Variants in FOXP1 observed in about 807,000 individuals in gnomAD.
FOXP1 encodes forkhead box protein P1.
In FOXP1, 15 loss-of-function variants were observed where a neutral mutation model predicts 98.2. The ratio of observed to expected loss-of-function variants is 0.15; its 90% CI spans 0.10 to 0.24. The LOEUF is 0.24. Ranked by LOEUF, FOXP1 falls within the 10% of genes least tolerant of loss-of-function variation. FOXP1 has a pLI of 1.00. For synonymous variants in FOXP1, 371 were observed against 314.5 expected, an observed-to-expected ratio of 1.18 and a Z score of -1.90; for missense variants, 633 against 848.5, an observed-to-expected ratio of 0.75 and a Z score of 3.15.
intron 5 of FOXP1, among the ~76,000 whole-genome samples, chr3:71,281,439 C>T (rs2071555132): frequency 6.6e-6 from 1 of 152,142 alleles, no homozygotes; most frequent in Admixed American, 6.5e-5. Context: ...GGTGAGAAAG[C>T]ACCCGCTTCA....
chr3:71,046,924 T>C lies in FOXP1; in HGVS notation c.664+18A>G. The C allele has an allele frequency of 6.2e-7, 1 of 1,613,886 alleles. No individual in the cohort carries two copies. On this transcript the variant is annotated intron_variant, in intron 10 of 20. Transcript: ENST00000649528. ...AAAGTCTTCACAGAGCTATGCCTTC[T>C]GTAAAATCAACGCATACCTTGAGCA...
chr3:71,396,933 T>C (rs11721119), intron 3 of FOXP1, among the ~76,000 whole-genome samples: 17,360 of 42,928 alleles, frequency 0.4, 5,256 homozygotes, highest in Non-Finnish European at 0.55. Context: ...TATATATATA[T>C]ACACATATAT....
intron 4 of FOXP1, among the ~76,000 whole-genome samples, chr3:71,308,191 TAAAC>T (rs1449102331): frequency 6.6e-6 from 1 of 151,988 alleles, no homozygotes; most frequent in Non-Finnish European, 1.5e-5. Flanking sequence ...CTCCAGAAAA[TAAAC>T]AGGGTGTACA....
chr3:71,573,019 A>G (rs1308030714), intron 2 of FOXP1, among the ~76,000 whole-genome samples: 1 of 152,240 alleles, frequency 6.6e-6, no homozygotes, highest in African/African-American at 2.4e-5. Context: ...ACAAATACTG[A>G]AAAACCCAGC....
At chr3:71,531,397 A>G (rs2043835926) in intron 2 of FOXP1, among the ~76,000 whole-genome samples, 1 of 152,230 alleles carries the variant, frequency 6.6e-6, no homozygotes, top group Admixed American at 6.5e-5. Context: ...AACTACTGCT[A>G]TTCTACGGGA....
intron 3 of FOXP1, among the ~76,000 whole-genome samples, chr3:71,427,366 G>A (rs1440098326): frequency 6.6e-6 from 1 of 152,200 alleles, no homozygotes; most frequent in Non-Finnish European, 1.5e-5. Context: ...GAGTGTCAGT[G>A]ATATTAGAGG....
At chr3:71,219,844 T>A (rs1331630361) in intron 5 of FOXP1, among the ~76,000 whole-genome samples, 1 of 145,720 alleles carries the variant, frequency 6.9e-6, no homozygotes, top group African/African-American at 2.6e-5. Context: ...CTGGCCTACC[T>A]GCCCCTGCAG....
chr3:71,056,684 C>G (rs972162112), intron 7 of FOXP1, among the ~76,000 whole-genome samples: 4 of 152,170 alleles, frequency 2.6e-5, no homozygotes, highest in Non-Finnish European at 5.9e-5. Context: ...AAGTGGGCTC[C>G]AGCTTCATTT....
chr3:71,219,775 T>G (rs965896494), intron 5 of FOXP1, among the ~76,000 whole-genome samples: 4 of 152,242 alleles, frequency 2.6e-5, no homozygotes, highest in African/African-American at 9.6e-5. Context: ...TAAAATTCCT[T>G]GTGTGGCTCT....
chr3:70,955,951 T>C lies in FOXP1; in HGVS notation c.*3296A>G, dbSNP rs886745197. On this transcript the variant is annotated 3_prime_UTR_variant, in exon 21 of 21. Transcript: ENST00000649528. ...AGCAGAAAAAAAAAGTTAGGGAGTT[T>C]CTCCCTCCCACATGTCAGGAAATGT... The C allele has an allele frequency of 8.6e-6, 2 of 233,016 alleles. No individual in the cohort carries two copies. Among genetic ancestry groups the C allele is most frequent in the Admixed American group, 1.1e-4 (2 of 17,766 alleles). The allele number at this position is 233,016 out of a possible 1,614,324, so 14.4% of individuals were successfully genotyped here. A position where few individuals can be genotyped will look rare whatever the true frequency, so the allele number is the denominator to read the frequency against.
intron 20 of FOXP1, among the ~76,000 whole-genome samples, chr3:70,965,612 T>C (rs2107003556): frequency 6.6e-6 from 1 of 152,272 alleles, no homozygotes; most frequent in East Asian, 1.9e-4. Context: ...GTAGTGTGGC[T>C]TAAATAATGG....
intron 3 of FOXP1, among the ~76,000 whole-genome samples, chr3:71,370,008 T>G (rs2079184642): frequency 6.6e-6 from 1 of 152,172 alleles, no homozygotes; most frequent in South Asian, 2.1e-4. Context: ...AGAAATGACC[T>G]GCAAGCCATT....
rs147604231 is a variant in FOXP1, at chr3:71,286,396, A to G, written c.-12+13424T>C. 1.6e-4 allele frequency among the ~76,000 whole-genome samples: 24 copies of G among 151,536 alleles called. No individual in the cohort carries two copies. In the East Asian group the frequency reaches 4.3e-3, roughly 27 times the overall value. On this transcript the variant is annotated intron_variant, in intron 5 of 20. Coordinates refer to ENST00000649528, the MANE Select transcript of FOXP1 (RefSeq NM_001349338.3). The stretch of plus-strand genomic sequence containing the variant: ...TCAGTAACTACTTATTGCTTAATCA[A>G]TTAGTAACTATATCACTGAGGTATA...
At chr3:71,091,705 C>A (rs1293607987) in intron 7 of FOXP1, among the ~76,000 whole-genome samples, 1 of 152,044 alleles carries the variant, frequency 6.6e-6, no homozygotes, top group Non-Finnish European at 1.5e-5. Context: ...ACATATTCAA[C>A]CAATGAATGT....
intron 2 of FOXP1, among the ~76,000 whole-genome samples, chr3:71,506,064 T>C (rs930297595): frequency 2.0e-5 from 3 of 152,194 alleles, no homozygotes; most frequent in South Asian, 2.1e-4. Flanking sequence ...CGGGAGTACA[T>C]GATTAATTGC....
chr3:71,563,553 A>G (rs1443482930), intron 2 of FOXP1, among the ~76,000 whole-genome samples: 1 of 152,254 alleles, frequency 6.6e-6, no homozygotes, highest in Non-Finnish European at 1.5e-5. Context: ...CCGGGCTGTG[A>G]GAATATTTAA....
intron 7 of FOXP1, among the ~76,000 whole-genome samples, chr3:71,070,184 G>A (rs2053044436): frequency 6.6e-6 from 1 of 152,206 alleles, no homozygotes; most frequent in Non-Finnish European, 1.5e-5. Context: ...AAACAAAATG[G>A]GGGGAGAAAG....
At chr3:71,388,719 A>AT (rs1486481411) in intron 3 of FOXP1, among the ~76,000 whole-genome samples, 1 of 152,236 alleles carries the variant, frequency 6.6e-6, no homozygotes, top group Non-Finnish European at 1.5e-5. Context: ...ACAACATATA[A>AT]TAAAAATGCC....
chr3:71,017,848 TTAA>T (rs752801575), intron 11 of FOXP1, among the ~76,000 whole-genome samples: 5 of 152,194 alleles, frequency 3.3e-5, no homozygotes, highest in Non-Finnish European at 5.9e-5. Flanking sequence ...AATCACTCAA[TTAA>T]TGAGTACCAA....
Sources: allele counts gnomAD v4.1 joint callset (sites outside exome capture counted in the v4.1 genomes callset), GRCh38; gene constraint gnomAD v4.1.1; transcripts MANE v1.5; gene names NCBI Gene and HGNC (gene_info 2026-07-23, HGNC 2026-07-21).